The following NFATC1 variants were observed in gnomAD, a reference collection of about 807,000 sequenced individuals.
The protein encoded by NFATC1 is nuclear factor of activated T-cells, cytoplasmic 1.
NFATC1 carries 22 observed loss-of-function variants against 76.0 expected under a neutral mutation model. The ratio of observed to expected loss-of-function variants is 0.29; its 90% CI spans 0.21 to 0.41. The LOEUF (loss-of-function observed/expected upper bound fraction) is 0.41, where lower values mean the gene tolerates loss of function less well. NFATC1 is among the 10% of genes least tolerant of loss of function. The pLI is 1.00. For synonymous variants in NFATC1, 704 were observed against 613.1 expected (o/e 1.15, Z -2.19); for missense variants, 1,357 against 1,337.7 (o/e 1.01, Z -0.23).
chr18:79,408,554 A>G (rs970121405), intron 1 of NFATC1, among the ~76,000 whole-genome samples: 2 of 152,246 alleles, frequency 1.3e-5, no homozygotes, highest in South Asian at 2.1e-4. Context: ...GATTCGTAGG[A>G]TATGAGCCAG....
intron 3 of NFATC1, chr18:79,448,491 G>A (rs1000434043): frequency 1.3e-5 from 6 of 446,986 alleles, no homozygotes; most frequent in African/African-American, 9.8e-5. Flanking sequence ...TCCTGCACAC[G>A]CCCCCTGCCA....
Position 79,396,165 on chromosome 18 carries a change from G to T in NFATC1, c.-60G>T. ...CCCGGAGACCCGACCCCGGCAGCGCGGGGCGGCCGCTTCTCCTGTGCCTCC... is the reference window on the plus strand; with the variant it reads ...CCCGGAGACCCGACCCCGGCAGCGCTGGGCGGCCGCTTCTCCTGTGCCTCC... On this transcript the variant is annotated 5_prime_UTR_variant, in exon 1 of 10. Coordinates refer to ENST00000427363, the MANE Select transcript of NFATC1 (RefSeq NM_001278669.2). 7.2e-7 allele frequency: 1 copy of T among 1,382,442 alleles called. No homozygotes were observed. Among genetic ancestry groups the T allele is most frequent in the Non-Finnish European group, 9.5e-7 (1 of 1,054,560 alleles). 85.6% of individuals were successfully genotyped at this position (1,382,442 alleles called of 1,614,324 possible). A position where few individuals can be genotyped will look rare whatever the true frequency, so the allele number is the denominator to read the frequency against.
intron 9 of NFATC1, among the ~76,000 whole-genome samples, chr18:79,506,512 G>A (rs559546242): frequency 7.9e-5 from 12 of 152,358 alleles, no homozygotes; most frequent in South Asian, 4.1e-4. Context: ...TGAGAGCTGA[G>A]TGTGGTTTCA....
intron 2 of NFATC1, chr18:79,421,452 A>C (rs58830765): frequency 6.6e-6 from 1 of 152,434 alleles, no homozygotes; most frequent in East Asian, 1.9e-4. Flanking sequence ...CCCTGGCTGC[A>C]AGGGGCGGTG....
chr18:79,410,941 C>T lies in NFATC1; in HGVS notation c.666C>T (p.Pro222=). 6.2e-7 allele frequency: 1 copy of T among 1,603,390 alleles called. No individual in the cohort carries two copies. The highest frequency in any genetic ancestry group is 8.5e-7 in the Non-Finnish European group (1 of 1,175,848). The change falls in exon 2 of 10, where the codon CCC becomes CCT. Residue 222 remains proline, a synonymous_variant. Transcript: ENST00000427363. This position sits in a 1 kb window ranked among gnomAD's most constrained non-coding sequence, Gnocchi z 6.7. ...CCACGGACCCCGAGGAGGGCTTTCC[C>T]CGCGGGCTGGGGGCCTGCACACTGC... is the stretch of plus-strand genomic sequence containing the variant. ...PKTTDPEEGF[P]RGLGACTLLG...
intron 8 of NFATC1, among the ~76,000 whole-genome samples, chr18:79,478,556 G>T (rs568812768): frequency 2.6e-5 from 4 of 152,216 alleles, no homozygotes; most frequent in African/African-American, 9.6e-5. Context: ...TTACCGGGTA[G>T]GGATGGCAGC....
chr18:79,517,735 T>A (rs1434195359), intron 9 of NFATC1, among the ~76,000 whole-genome samples: 2 of 152,232 alleles, frequency 1.3e-5, no homozygotes, highest in Non-Finnish European at 2.9e-5. Flanking sequence ...AGATAAATAC[T>A]CTTAGACTTG....
At chr18:79,443,469 G>A (rs1029475615) in intron 3 of NFATC1, among the ~76,000 whole-genome samples, 3 of 152,204 alleles carry the variant, frequency 2.0e-5, no homozygotes, top group African/African-American at 4.8e-5. Flanking sequence ...TGGACACGTC[G>A]TCCTGTTCCT....
At chr18:79,399,642 G>T (rs958787472) in intron 1 of NFATC1, among the ~76,000 whole-genome samples, 20 of 152,230 alleles carry the variant, frequency 1.3e-4, no homozygotes, top group Non-Finnish European at 2.5e-4. Flanking sequence ...CGCTCAAGGA[G>T]GTCATCTTTG....
At chr18:79,513,935 G>A (rs999959612) in intron 9 of NFATC1, among the ~76,000 whole-genome samples, 4 of 152,306 alleles carry the variant, frequency 2.6e-5, no homozygotes, top group Admixed American at 1.3e-4. Context: ...GTCCCTTCTC[G>A]GGGACGTGTC....
chr18:79,507,391 A>G (rs2090140855), intron 9 of NFATC1, among the ~76,000 whole-genome samples: 1 of 152,212 alleles, frequency 6.6e-6, no homozygotes, highest in Admixed American at 6.5e-5. Context: ...GGCCGCGTAA[A>G]TCAGGCAGGC....
At chr18:79,416,256 T>C (rs1048780776) in intron 2 of NFATC1, among the ~76,000 whole-genome samples, 2 of 152,250 alleles carry the variant, frequency 1.3e-5, no homozygotes, top group African/African-American at 4.8e-5. Flanking sequence ...TAAGATCAGC[T>C]AACCCCCAGC....
At chr18:79,401,046 C>T (rs558294468) in intron 1 of NFATC1, among the ~76,000 whole-genome samples, 38 of 126,480 alleles carry the variant, frequency 3.0e-4, no homozygotes, top group Non-Finnish European at 4.8e-4. Context: ...CCAGCCTTTT[C>T]TTTCATTTTC....
At chr18:79,522,163 G>C (rs1405036254) in intron 9 of NFATC1, among the ~76,000 whole-genome samples, 1 of 67,042 alleles carries the variant, frequency 1.5e-5, no homozygotes, top group Non-Finnish European at 2.7e-5. Flanking sequence ...GTGTGTGTGT[G>C]GGGGGGTATC....
intron 1 of NFATC1, chr18:79,402,455 G>A (rs1259874689): frequency 2.1e-6 from 2 of 945,222 alleles, no homozygotes; most frequent in Non-Finnish European, 2.5e-6. Flanking sequence ...AATGAGTGAA[G>A]CCGTGAACCT....
chr18:79,436,982 C>G (rs1356997498), intron 3 of NFATC1, among the ~76,000 whole-genome samples: 1 of 152,184 alleles, frequency 6.6e-6, no homozygotes, highest in Non-Finnish European at 1.5e-5. Flanking sequence ...TGAGGCCACC[C>G]CCATTACGGC....
rs373069302 is a variant in NFATC1 at position 79,455,202 on chromosome 18, G to A, written c.1903+3386G>A. 3.3e-4 allele frequency among the ~76,000 whole-genome samples: 51 copies of A among 152,294 alleles called. 2 individuals carry two copies. Among genetic ancestry groups the A allele is most frequent in the East Asian group, 1.4e-3 (7 of 5,172 alleles). On this transcript the variant is annotated intron_variant, in intron 6 of 9. Coordinates refer to ENST00000427363, the MANE Select transcript of NFATC1 (RefSeq NM_001278669.2). ...GGTGCCGTTTTTTAAAAACATCAGC[G>A]AAGCCTGTTTTGGTGTCGCTGCGCG...
At chr18:79,405,844 CG>C (rs1417928428) in intron 1 of NFATC1, among the ~76,000 whole-genome samples, 2 of 152,204 alleles carry the variant, frequency 1.3e-5, no homozygotes, top group African/African-American at 4.8e-5. Context: ...TAAAGGCCCT[CG>C]GGTGCCCCAG....
chr18:79,486,990 G>T (rs1197657014), intron 9 of NFATC1, 53 bp downstream of exon 9: 10 of 1,523,950 alleles, frequency 6.6e-6, no homozygotes, highest in Non-Finnish European at 8.9e-6. Context: ...CATGGCGTGA[G>T]CTCATGGAGG....
Sources: gnomAD v4.1 joint callset for allele counts (sites outside exome capture counted in the v4.1 genomes callset) on GRCh38, gnomAD v4.1.1 for gene constraint, Gnocchi (gnomAD v3.1) non-coding constraint, MANE v1.5 for transcripts, NCBI Gene and HGNC (gene_info 2026-07-23, HGNC 2026-07-21) for gene names.